The following KIF2A variants were observed in gnomAD, a reference collection of about 807,000 sequenced individuals.
The protein encoded by KIF2A is kinesin family member 2A, also known as kinesin-like protein KIF2A.
A neutral mutation model predicts 100.2 loss-of-function variants in KIF2A; 22 were observed. That is an observed-to-expected ratio of 0.22 (90% confidence interval 0.16 to 0.31). The LOEUF (loss-of-function observed/expected upper bound fraction) is 0.31, where lower values mean the gene tolerates loss of function less well. Ranked by LOEUF, KIF2A falls within the 10% of genes least tolerant of loss-of-function variation. The pLI, the probability that KIF2A is intolerant of heterozygous loss-of-function variation, is 1.00. For synonymous variants in KIF2A, 268 were observed against 285.9 expected, an observed-to-expected ratio of 0.94 and a Z score of 0.63; for missense variants, 495 against 898.7, an observed-to-expected ratio of 0.55 and a Z score of 5.74.
chr5:62,382,470 G>A lies in KIF2A; in HGVS notation c.2149+1217G>A, dbSNP rs184803481. On this transcript the variant is annotated intron_variant, in intron 20 of 20. Coordinates refer to ENST00000407818, the MANE Select transcript of KIF2A (RefSeq NM_001098511.3). ...AATTAAAGAGTTGACAGATTAAAATGTATGTAATAGGTACAACATGATGTT... is the reference window on the plus strand; with the variant it reads ...AATTAAAGAGTTGACAGATTAAAATATATGTAATAGGTACAACATGATGTT... Among the ~76,000 whole-genome samples the A allele has an allele frequency of 5.8e-4, 89 of 152,192 alleles. 1 individual carries two copies. Among genetic ancestry groups the A allele is most frequent in the Admixed American group, 2.3e-3 (35 of 15,294 alleles).
In KIF2A at chr5:62,386,800, C is replaced by G. The variant is rs988458261; in HGVS notation, c.*1231C>G. Among the ~76,000 whole-genome samples, 10 of 152,198 alleles carry G rather than the reference C, an allele frequency of 6.6e-5. No homozygotes were observed. The highest frequency in any genetic ancestry group is 2.6e-4 in the Admixed American group (4 of 15,280). Reference sequence around the variant, plus strand: ...GTAGGGCATGCTACTTTTTAAACAGCAGCACTTATTTTTACAGATTGCTAC... The same window carrying G: ...GTAGGGCATGCTACTTTTTAAACAGGAGCACTTATTTTTACAGATTGCTAC... On this transcript the variant is annotated 3_prime_UTR_variant, in exon 21 of 21. Transcript: ENST00000407818.
In KIF2A at chr5:62,372,851, T is replaced by TA. The variant is rs1335831821; in HGVS notation, c.1760+303dup. 2.6e-5 allele frequency among the ~76,000 whole-genome samples: 4 copies of TA among 152,208 alleles called. No homozygotes were observed. In the East Asian group the frequency reaches 7.7e-4, roughly 29 times the overall value. ...TACTTACCATCGAATTGTTAAAAGA[T>TA]AAATTATCTTGCTTAAAATGAAGAG... On this transcript the variant is annotated intron_variant, in intron 17 of 20. Transcript: ENST00000407818.
At chr5:62,308,923 G>A (rs1477459981) in intron 1 of KIF2A, among the ~76,000 whole-genome samples, 1 of 117,504 alleles carries the variant, frequency 8.5e-6, no homozygotes, top group African/African-American at 3.2e-5. Context: ...GTTAAAGTAT[G>A]TGAAATGATA....
At chr5:62,366,770 G>A (rs1323504194) in intron 16 of KIF2A, among the ~76,000 whole-genome samples, 1 of 151,512 alleles carries the variant, frequency 6.6e-6, no homozygotes, top group African/African-American at 2.4e-5. Flanking sequence ...GGCAGAGCTT[G>A]CAGTGAGCCG....
intron 1 of KIF2A, among the ~76,000 whole-genome samples, chr5:62,345,002 T>TA (rs1188161577): frequency 6.6e-6 from 1 of 152,192 alleles, no homozygotes; most frequent in Non-Finnish European, 1.5e-5. Context: ...TCCCAGCACT[T>TA]ATGGAGGCCA....
chr5:62,374,332 GGCT>G (rs1436003411), intron 18 of KIF2A, among the ~76,000 whole-genome samples: 1 of 152,128 alleles, frequency 6.6e-6, no homozygotes, highest in Non-Finnish European at 1.5e-5. Flanking sequence ...AGTGTTGTCT[GGCT>G]GCTTTCTTAC....
chr5:62,328,452 G>C (rs772616359), intron 1 of KIF2A, among the ~76,000 whole-genome samples: 25 of 151,746 alleles, frequency 1.6e-4, no homozygotes, highest in Non-Finnish European at 3.4e-4. Context: ...CTTTTCCCCA[G>C]CCCCAAATAT....
intron 1 of KIF2A, among the ~76,000 whole-genome samples, chr5:62,344,913 T>G (rs1747478956): frequency 6.6e-6 from 1 of 152,210 alleles, no homozygotes; most frequent in African/African-American, 2.4e-5. Context: ...TTATGTTCAT[T>G]TATTACTTAT....
At chr5:62,345,400 A>T (rs1208216159) in intron 1 of KIF2A, among the ~76,000 whole-genome samples, 3 of 150,050 alleles carry the variant, frequency 2.0e-5, no homozygotes, top group African/African-American at 7.4e-5. Context: ...AAAAAAAAAG[A>T]GCTGGGCATG....
Position 62,350,278 on chromosome 5 carries a change from T to G in KIF2A, c.334+158T>G, listed in dbSNP as rs79244350. Reference sequence around the variant, plus strand: ...CTTTTTTGTTTTGTTTTGTTTTTTGTTTTTTGGTTTTTTTTTTGAGACAGG... The same window carrying G: ...CTTTTTTGTTTTGTTTTGTTTTTTGGTTTTTGGTTTTTTTTTTGAGACAGG... On this transcript the variant is annotated intron_variant, in intron 4 of 20. Transcript: ENST00000407818. Among the ~76,000 whole-genome samples, 494 of 151,652 alleles carry G rather than the reference T, an allele frequency of 3.3e-3. 4 individuals are homozygous for G. Among genetic ancestry groups the G allele is most frequent in the African/African-American group, 0.011 (440 of 41,184 alleles).
Position 62,373,071 on chromosome 5 carries a change from A to T in KIF2A, c.1760+520A>T, listed in dbSNP as rs6873270. ...GGCCAAGTGGTGAAAAAAAAAAAAA[A>T]TTTTTTTTAAAGTAAGGAAAGTTTA... On this transcript the variant is annotated intron_variant, in intron 17 of 20. Transcript: ENST00000407818. Among the ~76,000 whole-genome samples the T allele has an allele frequency of 6.1e-3, 921 of 151,312 alleles. 9 individuals carry two copies. The highest frequency in any genetic ancestry group is 0.02 in the African/African-American group (827 of 41,376).
chr5:62,343,914 A>G (rs1296352588), intron 1 of KIF2A, among the ~76,000 whole-genome samples: 1 of 151,836 alleles, frequency 6.6e-6, no homozygotes, highest in East Asian at 1.9e-4. Flanking sequence ...CTTAAGACAT[A>G]TAGACATCTT....
intron 9 of KIF2A, among the ~76,000 whole-genome samples, chr5:62,359,555 AT>A (rs1281052620): frequency 3.3e-5 from 5 of 151,014 alleles, no homozygotes; most frequent in African/African-American, 7.3e-5. Flanking sequence ...TAATTGTAGA[AT>A]TTTTTTTTAG....
chr5:62,386,932 T>C lies in KIF2A; in HGVS notation c.*1363T>C, dbSNP rs1423274913. ...TCCCAGGATGGGGTCCAGGAGTAGATTAACAGCTAAAAATCTCCCAAGGAT... is the reference window on the plus strand; with the variant it reads ...TCCCAGGATGGGGTCCAGGAGTAGACTAACAGCTAAAAATCTCCCAAGGAT... On this transcript the variant is annotated 3_prime_UTR_variant, in exon 21 of 21. Transcript: ENST00000407818. Among the ~76,000 whole-genome samples the C allele has an allele frequency of 2.0e-5, 3 of 152,216 alleles. No homozygotes were observed. Among genetic ancestry groups the C allele is most frequent in the Admixed American group, 6.5e-5 (1 of 15,278 alleles).
At chr5:62,331,013 A>G (rs762706238) in intron 1 of KIF2A, among the ~76,000 whole-genome samples, 39 of 152,352 alleles carry the variant, frequency 2.6e-4, no homozygotes, top group Non-Finnish European at 4.7e-4. Flanking sequence ...AACAACTTCA[A>G]TGGATTTGGA....
Position 62,389,590 on chromosome 5 carries a change from G to A in KIF2A, c.*4021G>A, listed in dbSNP as rs934292159. Among the ~76,000 whole-genome samples, 9 of 151,196 alleles carry A rather than the reference G, an allele frequency of 6.0e-5. No individual in the cohort carries two copies. The highest frequency in any genetic ancestry group is 1.5e-4 in the African/African-American group (6 of 41,062). Reference sequence around the variant, plus strand: ...CCTCTTTCATTAGAGCCTTTATGTCGTAATGAATTTGACTAAAATTATCTT... The same window carrying A: ...CCTCTTTCATTAGAGCCTTTATGTCATAATGAATTTGACTAAAATTATCTT... On this transcript the variant is annotated 3_prime_UTR_variant, in exon 21 of 21. Coordinates refer to ENST00000407818, the MANE Select transcript of KIF2A (RefSeq NM_001098511.3).
intron 3 of KIF2A, among the ~76,000 whole-genome samples, 190 bp downstream of exon 3, chr5:62,348,357 C>A (rs1352211488): frequency 6.6e-6 from 1 of 152,054 alleles, no homozygotes; most frequent in African/African-American, 2.4e-5. Context: ...ACAATTATGA[C>A]CATCGTTGGA....
rs1438999703 is a variant in KIF2A, at chr5:62,373,762, T to C, written c.1836T>C (p.Ile612=). 4.3e-6 allele frequency: 7 copies of C among 1,613,324 alleles called. No individual in the cohort carries two copies. Among genetic ancestry groups the C allele is most frequent in the Non-Finnish European group, 5.9e-6 (7 of 1,179,386 alleles). The change falls in exon 18 of 21, where the codon ATT becomes ATC. Residue 612 remains isoleucine (I), a synonymous_variant. Coordinates refer to ENST00000407818, the MANE Select transcript of KIF2A (RefSeq NM_001098511.3). The part of the protein sequence containing the change: ...RPIMHHPPNQ[I]DDLETQWGVG... ...TAATGCACCATCCACCAAACCAGAT[T>C]GATGACTTAGAGACACAGTGGGGTG... is the stretch of plus-strand genomic sequence containing the variant.
intron 16 of KIF2A, among the ~76,000 whole-genome samples, chr5:62,371,270 A>G (rs1432632176): frequency 1.3e-5 from 2 of 152,254 alleles, no homozygotes; most frequent in Admixed American, 1.3e-4. Context: ...GAAAAAAAAC[A>G]TATTTAGATT....
Sources: gnomAD v4.1 joint callset for allele counts (sites outside exome capture counted in the v4.1 genomes callset) on GRCh38, gnomAD v4.1.1 for gene constraint, MANE v1.5 for transcripts, NCBI Gene and HGNC (gene_info 2026-07-23, HGNC 2026-07-21) for gene names.